Variants in RNF149 observed in about 807,000 individuals in gnomAD.
RNF149 encodes the protein ring finger protein 149, also known as E3 ubiquitin-protein ligase RNF149.
A neutral mutation model predicts 39.0 loss-of-function variants in RNF149; 21 were observed. The observed-to-expected ratio is 0.54, with a 90% CI of 0.38 to 0.77. The LOEUF is 0.77. RNF149 is among the 30% of genes least tolerant of loss of function. RNF149 has a pLI of 0.00. For synonymous variants in RNF149, 209 were observed against 213.6 expected (o/e 0.98, Z 0.19); for missense variants, 493 against 534.9 (o/e 0.92, Z 0.77).
rs373233362 is a variant in RNF149 at position 101,308,526 on chromosome 2, G to A, written c.63C>T (p.Leu21=). Residue 21 remains leucine (L), a synonymous_variant, in exon 1 of 7, where the codon CTC becomes CTT. Coordinates refer to ENST00000295317, the MANE Select transcript of RNF149 (RefSeq NM_173647.4). ...CCCCGGGCACGCACAGGGCCAGGGC[G>A]AGCAACGCCAGAGCCAACACGCCGC... ...GARGVLALAL[L]ALALCVPGAR... The A allele has an allele frequency of 6.9e-6, 11 of 1,604,306 alleles. No homozygotes were observed. In the African/African-American group the frequency reaches 1.4e-4, roughly 20 times the overall value.
Position 101,276,794 on chromosome 2 carries a change from C to A in RNF149, c.*444G>T. The A allele has an allele frequency of 1.0e-6, 1 of 987,836 alleles. No homozygotes were observed. Among genetic ancestry groups the A allele is most frequent in the Non-Finnish European group, 1.2e-6 (1 of 831,092 alleles). 61.2% of individuals were successfully genotyped at this position (987,836 alleles called of 1,614,324 possible). ...CTTAAAAAAAAAACAACAAAAAAAA[C>A]CTTTCCTCCAGGGAAAGCCCATGAG... On this transcript the variant is annotated 3_prime_UTR_variant, in exon 7 of 7. Coordinates refer to ENST00000295317, the MANE Select transcript of RNF149 (RefSeq NM_173647.4).
chr2:101,287,331 T>TA lies in RNF149; in HGVS notation c.864-1155dup, dbSNP rs562155886. On this transcript the variant is annotated intron_variant, in intron 4 of 6. Transcript: ENST00000295317. ...AGAACGAAACTCTGTCTCAAAAAAATAAAAAAAACAGTACTTAAGAAATAA... is the reference window on the plus strand; with the variant it reads ...AGAACGAAACTCTGTCTCAAAAAAATAAAAAAAAACAGTACTTAAGAAATAA... 2.5e-3 allele frequency among the ~76,000 whole-genome samples: 376 copies of TA among 151,154 alleles called. 1 individual carries two copies. The highest frequency in any genetic ancestry group is 4.3e-3 in the African/African-American group (176 of 41,230).
chr2:101,293,882 C>A (rs1035398351), intron 3 of RNF149, 132 bp downstream of exon 3: 92 of 570,596 alleles, frequency 1.6e-4, no homozygotes, highest in Non-Finnish European at 3.2e-6. Flanking sequence ...CTAGTGGCTA[C>A]CATATTAATG....
In RNF149 at chr2:101,308,248, G is replaced by A; in HGVS notation, c.341C>T (p.Ala114Val). 1 of 1,595,048 alleles carries A rather than the reference G, an allele frequency of 6.3e-7. No individual in the cohort carries two copies. Among genetic ancestry groups the A allele is most frequent in the South Asian group, 1.1e-5 (1 of 89,358 alleles). ...GTCCTTGAAGGTGCAGCCCCCACGAGCCACCAGGGCGACCCAGGGCGCGGC... is the reference window on the plus strand; with the variant it reads ...GTCCTTGAAGGTGCAGCCCCCACGAACCACCAGGGCGACCCAGGGCGCGGC... ...RGAAPWVALV[A>V]RGGCTFKDKV... is the part of the protein sequence containing the mutation. The change falls in exon 1 of 7, where the codon GCT becomes GTT. Residue 114 changes from alanine (A) to valine (V), a missense_variant. Coordinates refer to ENST00000295317, the MANE Select transcript of RNF149 (RefSeq NM_173647.4).
chr2:101,305,144 A>G (rs1329573513), intron 1 of RNF149, among the ~76,000 whole-genome samples: 1 of 152,092 alleles, frequency 6.6e-6, no homozygotes, highest in East Asian at 1.9e-4. Flanking sequence ...TCGGCCTAGT[A>G]TTCAATTTTA....
At chr2:101,286,036 G>A in intron 5 of RNF149, 45 bp downstream of exon 5, 1 of 1,108,356 alleles carries the variant, frequency 9.0e-7, no homozygotes. Flanking sequence ...AATCACTCAG[G>A]AAGAACTGGG....
At chr2:101,293,659 A>C (rs1186832483) in intron 3 of RNF149, among the ~76,000 whole-genome samples, 1 of 152,212 alleles carries the variant, frequency 6.6e-6, no homozygotes, top group South Asian at 2.1e-4. Flanking sequence ...CAGATTTAAC[A>C]GAAATGAACT....
At chr2:101,306,375 T>C (rs1683660502) in intron 1 of RNF149, among the ~76,000 whole-genome samples, 1 of 152,188 alleles carries the variant, frequency 6.6e-6, no homozygotes, top group Non-Finnish European at 1.5e-5. Context: ...GAGTGCTATG[T>C]CAAATCTGAC....
At chr2:101,288,825 T>A in intron 4 of RNF149, 148 bp downstream of exon 4, 2 of 581,358 alleles carry the variant, frequency 3.4e-6, no homozygotes, top group Non-Finnish European at 6.1e-6. Context: ...GAAGATATTA[T>A]ATTTAAAATC....
downstream of RNF149, chr2:101,273,238 G>C: frequency 1.3e-6 from 1 of 750,136 alleles, no homozygotes; most frequent in South Asian, 1.4e-5. Context: ...AGCAGGCAGG[G>C]GGCTGCGGAG....
chr2:101,298,870 T>C (rs1265836629), intron 1 of RNF149, among the ~76,000 whole-genome samples: 1 of 152,182 alleles, frequency 6.6e-6, no homozygotes, highest in Non-Finnish European at 1.5e-5. Context: ...AAAATAACTT[T>C]TAGGCATGGT....
downstream of RNF149, among the ~76,000 whole-genome samples, chr2:101,275,344 C>T (rs1682296802): frequency 7.0e-6 from 1 of 143,328 alleles, no homozygotes; most frequent in Non-Finnish European, 1.5e-5. Flanking sequence ...GTCTCGATCT[C>T]CTGATCTTGT....
intron 3 of RNF149, among the ~76,000 whole-genome samples, chr2:101,292,540 G>T: frequency 6.6e-6 from 1 of 152,212 alleles, no homozygotes; most frequent in East Asian, 1.9e-4. Context: ...GCCGAGGCAG[G>T]TGGATCACGA....
At chr2:101,277,847 C>G (rs1682410163) in intron 6 of RNF149, among the ~76,000 whole-genome samples, 1 of 152,120 alleles carries the variant, frequency 6.6e-6, no homozygotes, top group African/African-American at 2.4e-5. Flanking sequence ...TAAAGACAGT[C>G]AGAGATGGCG....
intron 4 of RNF149, among the ~76,000 whole-genome samples, chr2:101,288,553 G>A (rs1397851428): frequency 2.0e-5 from 3 of 152,066 alleles, no homozygotes; most frequent in Non-Finnish European, 4.4e-5. Flanking sequence ...CAGAAGGAAC[G>A]CAAGCCCAGG....
intron 3 of RNF149, among the ~76,000 whole-genome samples, 170 bp from the exon 4 acceptor site, chr2:101,289,225 T>C (rs1408432510): frequency 6.6e-6 from 1 of 152,078 alleles, no homozygotes; most frequent in Non-Finnish European, 1.5e-5. Flanking sequence ...TAGAGGATTA[T>C]CTAAATACGG....
chr2:101,295,340 G>C (rs1683182640), intron 1 of RNF149, among the ~76,000 whole-genome samples, 159 bp from the exon 2 acceptor site: 1 of 152,136 alleles, frequency 6.6e-6, no homozygotes, highest in Non-Finnish European at 1.5e-5. Flanking sequence ...AAAAGAAACT[G>C]ATTACATTAG....
At chr2:101,274,047 AT>A (rs70943070), downstream of RNF149, among the ~76,000 whole-genome samples, 92,559 of 147,888 alleles carry the variant, frequency 0.63, 28,911 homozygotes, top group East Asian at 0.86. Flanking sequence ...CTGTCACAGT[AT>A]TTTTTTTTTT....
At chr2:101,288,827 T>C (rs1013173848) in intron 4 of RNF149, 146 bp downstream of exon 4, 2 of 581,524 alleles carry the variant, frequency 3.4e-6, no homozygotes, top group Non-Finnish European at 6.1e-6. Context: ...AGATATTATA[T>C]TTAAAATCCA....
Sources: gnomAD v4.1 joint callset for allele counts (sites outside exome capture counted in the v4.1 genomes callset) on GRCh38, gnomAD v4.1.1 for gene constraint, MANE v1.5 for transcripts, NCBI Gene and HGNC (gene_info 2026-07-23, HGNC 2026-07-21) for gene names.